Variants in TRIM2 observed in about 807,000 individuals in gnomAD.
TRIM2 encodes tripartite motif-containing protein 2.
Under a neutral mutation model 75.2 loss-of-function variants are expected in TRIM2, and 20 were observed. The ratio of observed to expected loss-of-function variants is 0.27; its 90% CI spans 0.19 to 0.39. The LOEUF is 0.39. TRIM2 is among the 10% of genes least tolerant of loss of function. The pLI, the probability that TRIM2 is intolerant of heterozygous loss-of-function variation, is 1.00. For missense variants in TRIM2, 660 were observed against 990.8 expected, an observed-to-expected ratio of 0.67 and a Z score of 4.48; for synonymous variants, 373 against 388.3, an observed-to-expected ratio of 0.96 and a Z score of 0.46.
At chr4:153,237,756 A>G (rs28726278) in intron 1 of TRIM2, among the ~76,000 whole-genome samples, 32,356 of 152,162 alleles carry the variant, frequency 0.21, 4,090 homozygotes, top group African/African-American at 0.35. Flanking sequence ...AGTTGTATAC[A>G]TACATACTTT....
rs1772360418 is a variant in TRIM2, at chr4:153,335,582, T to C, written c.*616T>C. The C allele has an allele frequency of 1.0e-6, 1 of 985,330 alleles. No individual in the cohort carries two copies. Among genetic ancestry groups the C allele is most frequent in the Non-Finnish European group, 1.2e-6 (1 of 829,940 alleles). The allele number at this position is 985,330 out of a possible 1,614,324, so 61.0% of individuals were successfully genotyped here. A position where few individuals can be genotyped will look rare whatever the true frequency, so the allele number is the denominator to read the frequency against. On this transcript the variant is annotated 3_prime_UTR_variant, in exon 12 of 12. Transcript: ENST00000338700. ...GTATCAGTGCAAATTTCTCAACCTT[T>C]CTGGGTTAGACAAAGATCCTTTTTT...
intron 1 of TRIM2, among the ~76,000 whole-genome samples, chr4:153,170,496 C>T (rs141376421): frequency 3.2e-4 from 48 of 152,238 alleles, no homozygotes; most frequent in African/African-American, 1.2e-3. Context: ...TGCAAAGCAT[C>T]TGCCGCATGG....
intron 6 of TRIM2, chr4:153,308,163 G>A (rs1765443790): frequency 1.6e-6 from 2 of 1,271,906 alleles, no homozygotes; most frequent in Non-Finnish European, 2.3e-6. Context: ...CTTCACCCCA[G>A]CGTCATAGAG....
At chr4:153,322,840 A>C (rs1228873127) in intron 9 of TRIM2, 24 bp downstream of exon 9, 1 of 1,612,574 alleles carries the variant, frequency 6.2e-7, no homozygotes, top group East Asian at 2.2e-5. Flanking sequence ...TAATATGTAA[A>C]CCCCCTTTTT....
Position 153,336,058 on chromosome 4 carries a change from A to C in TRIM2, c.*1092A>C. 1 of 985,772 alleles carries C rather than the reference A, an allele frequency of 1.0e-6. No individual in the cohort carries two copies. Among genetic ancestry groups the C allele is most frequent in the Non-Finnish European group, 1.2e-6 (1 of 829,896 alleles). The allele number at this position is 985,772 out of a possible 1,614,324, so 61.1% of individuals were successfully genotyped here. ...TGTTATGGTTATTTATCATTGTTTAATGAATAGTAGAGGTGTCAAGGGACT... is the reference window on the plus strand; with the variant it reads ...TGTTATGGTTATTTATCATTGTTTACTGAATAGTAGAGGTGTCAAGGGACT... On this transcript the variant is annotated 3_prime_UTR_variant, in exon 12 of 12. Coordinates refer to ENST00000338700, the MANE Select transcript of TRIM2 (RefSeq NM_015271.5).
intron 4 of TRIM2, among the ~76,000 whole-genome samples, chr4:153,293,782 C>T (rs966011273): frequency 2.6e-5 from 4 of 152,182 alleles, no homozygotes; most frequent in Non-Finnish European, 5.9e-5. Context: ...TCTCAAGAAA[C>T]TGGGTTTGGA....
At chr4:153,292,574 C>T (rs4696456) in intron 3 of TRIM2, among the ~76,000 whole-genome samples, 41,073 of 152,078 alleles carry the variant, frequency 0.27, 7,117 homozygotes, top group African/African-American at 0.5. Context: ...TATAGGCATA[C>T]GCCACTGCAC....
At position 153,328,520 on chromosome 4, in the gene TRIM2, T is replaced by C. The variant is rs1310667550; in HGVS notation, c.2023-10T>C. 1.9e-6 allele frequency: 3 copies of C among 1,588,236 alleles called. No individual in the cohort carries two copies. Among genetic ancestry groups the C allele is most frequent in the Non-Finnish European group, 2.6e-6 (3 of 1,171,292 alleles). On this transcript the variant is annotated splice_polypyrimidine_tract_variant and intron_variant, in intron 10 of 11. Coordinates refer to ENST00000338700, the MANE Select transcript of TRIM2 (RefSeq NM_015271.5). ...TGTAAAACAAAATAATTTAAAAATA[T>C]TTCATACAGGTGTTTAATCAGGAAG...
intron 3 of TRIM2, among the ~76,000 whole-genome samples, chr4:153,280,919 C>T (rs781534500): frequency 6.6e-5 from 10 of 151,812 alleles, no homozygotes; most frequent in African/African-American, 1.9e-4. Context: ...CTCCTGACCT[C>T]GTGATCTGCC....
At chr4:153,257,649 C>CTT in intron 1 of TRIM2, 1 of 1,222,672 alleles carries the variant, frequency 8.2e-7, no homozygotes, top group South Asian at 1.3e-5. Flanking sequence ...TGCTTCCCAA[C>CTT]TTGAAGTGTT....
At chr4:153,199,028 C>T (rs1021880626) in intron 1 of TRIM2, among the ~76,000 whole-genome samples, 14 of 152,208 alleles carry the variant, frequency 9.2e-5, no homozygotes, top group Non-Finnish European at 1.6e-4. Context: ...TTTCAAAGAA[C>T]ACACATCTGC....
intron 1 of TRIM2, among the ~76,000 whole-genome samples, chr4:153,176,427 T>C (rs1209739645): frequency 6.6e-6 from 1 of 151,732 alleles, no homozygotes; most frequent in Non-Finnish European, 1.5e-5. Context: ...CACTCCAGAC[T>C]GGGCGACAGA....
At chr4:153,300,179 G>A (rs1228734454) in intron 6 of TRIM2, among the ~76,000 whole-genome samples, 3 of 152,012 alleles carry the variant, frequency 2.0e-5, no homozygotes, top group African/African-American at 7.2e-5. Context: ...TTCCATAATG[G>A]CTGTACTAAT....
Position 153,308,111 on chromosome 4 carries a change from G to A in TRIM2, c.1511-7374G>A, listed in dbSNP as rs115502102. On this transcript the variant is annotated intron_variant, in intron 6 of 11. Transcript: ENST00000338700. The stretch of plus-strand genomic sequence containing the variant: ...TCTGGAAGTGGGACATGCTCCGCTC[G>A]GTCATGACGCTGATCCACTTGGGAA... The A allele has an allele frequency of 1.6e-3, 1,559 of 947,080 alleles. 19 individuals carry two copies. The African/African-American group carries it at 0.023, about 14-fold the overall frequency. The allele number at this position is 947,080 out of a possible 1,614,324, so 58.7% of individuals were successfully genotyped here.
At chr4:153,221,784 AAAGG>A (rs35003062) in intron 1 of TRIM2, among the ~76,000 whole-genome samples, 1,336 of 116,080 alleles carry the variant, frequency 0.012, 28 homozygotes, top group African/African-American at 0.045. Flanking sequence ...GGAAAGAAGA[AAAGG>A]AAGGAAAGAG....
intron 1 of TRIM2, among the ~76,000 whole-genome samples, chr4:153,165,694 C>G (rs1730228138): frequency 6.6e-6 from 1 of 152,202 alleles, no homozygotes; most frequent in Non-Finnish European, 1.5e-5. Context: ...TTGTAGGTGA[C>G]TCCATGATTC....
At chr4:153,232,629 G>T (rs1423056249) in intron 1 of TRIM2, among the ~76,000 whole-genome samples, 1 of 152,176 alleles carries the variant, frequency 6.6e-6, no homozygotes, top group Non-Finnish European at 1.5e-5. Context: ...AAGGAAGGGA[G>T]GGAACTAGAG....
intron 1 of TRIM2, chr4:153,222,862 GA>G: frequency 6.5e-6 from 1 of 153,136 alleles, no homozygotes; most frequent in Non-Finnish European, 1.5e-5. Context: ...TGCGGGGGAG[GA>G]AGGAGGAGGC....
At chr4:153,232,371 C>T (rs766032143) in intron 1 of TRIM2, among the ~76,000 whole-genome samples, 8 of 152,114 alleles carry the variant, frequency 5.3e-5, no homozygotes, top group East Asian at 3.8e-4. Context: ...TGGTGGCGCA[C>T]GCCTGTAGTC....
Sources: gnomAD v4.1 joint callset for allele counts (sites outside exome capture counted in the v4.1 genomes callset) on GRCh38, gnomAD v4.1.1 for gene constraint, MANE v1.5 for transcripts, NCBI Gene and HGNC (gene_info 2026-07-23, HGNC 2026-07-21) for gene names.